The following NDUFB3 variants were observed in gnomAD, a reference collection of about 807,000 sequenced individuals.
NDUFB3 encodes NADH dehydrogenase [ubiquinone] 1 beta subcomplex subunit 3.
A neutral mutation model predicts 9.0 loss-of-function variants in NDUFB3; 7 were observed. The ratio of observed to expected loss-of-function variants is 0.78; its 90% CI spans 0.44 to 1.46. NDUFB3 has a LOEUF of 1.46. NDUFB3 is among the 40% of genes most tolerant of loss of function. NDUFB3 has a pLI of 0.01. For synonymous variants in NDUFB3, 29 were observed against 38.5 expected (o/e 0.75, Z 0.91); for missense variants, 93 against 115.4 (o/e 0.81, Z 0.89).
chr2:201,081,206 A>G (rs953282471), intron 2 of NDUFB3, among the ~76,000 whole-genome samples: 2 of 151,754 alleles, frequency 1.3e-5, no homozygotes, highest in Non-Finnish European at 2.9e-5. Context: ...TTTAGGGGCC[A>G]GGCATGGTGG....
chr2:201,078,784 A>C, intron 1 of NDUFB3, 97 bp from the exon 2 acceptor site: 1 of 1,167,258 alleles, frequency 8.6e-7, no homozygotes, highest in Non-Finnish European at 1.2e-6. Flanking sequence ...TTTTTTTTTA[A>C]TATTAAATGC....
At chr2:201,078,157 C>T (rs2047185132) in intron 1 of NDUFB3, among the ~76,000 whole-genome samples, 1 of 152,032 alleles carries the variant, frequency 6.6e-6, no homozygotes, top group Non-Finnish European at 1.5e-5. Context: ...AAAAAATTAG[C>T]CGGGCGTGGT....
At chr2:201,083,515 C>T (rs905262732) in intron 2 of NDUFB3, among the ~76,000 whole-genome samples, 8 of 151,900 alleles carry the variant, frequency 5.3e-5, no homozygotes, top group African/African-American at 9.7e-5. Context: ...CCACCACACC[C>T]GGCTAATTTT....
intron 1 of NDUFB3, among the ~76,000 whole-genome samples, chr2:201,076,279 G>T (rs1032593335): frequency 1.3e-5 from 2 of 151,872 alleles, no homozygotes; most frequent in Non-Finnish European, 2.9e-5. Flanking sequence ...TATGCCAGAG[G>T]ATCAAGGATC....
At chr2:201,082,176 A>AC (rs2047233303) in intron 2 of NDUFB3, among the ~76,000 whole-genome samples, 1 of 151,068 alleles carries the variant, frequency 6.6e-6, no homozygotes, top group Non-Finnish European at 1.5e-5. Context: ...CTGGTCTTGA[A>AC]CTCATGACCT....
chr2:201,075,285 G>C (rs2047151365), intron 1 of NDUFB3, among the ~76,000 whole-genome samples: 1 of 151,802 alleles, frequency 6.6e-6, no homozygotes, highest in African/African-American at 2.4e-5. Context: ...GTTATATTTA[G>C]CCGGGCACCG....
intron 2 of NDUFB3, among the ~76,000 whole-genome samples, 196 bp downstream of exon 2, chr2:201,079,218 C>T (rs2047198188): frequency 2.0e-5 from 3 of 151,004 alleles, no homozygotes; most frequent in African/African-American, 2.4e-5. Flanking sequence ...GATCTCAGCT[C>T]ACTGCAGCCT....
intron 2 of NDUFB3, among the ~76,000 whole-genome samples, chr2:201,083,249 C>G (rs992775032): frequency 2.0e-5 from 3 of 151,936 alleles, no homozygotes; most frequent in Non-Finnish European, 4.4e-5. Context: ...TGGGTCACCA[C>G]TTAGTATGAT....
chr2:201,084,484 A>C (rs2047266405), intron 2 of NDUFB3, among the ~76,000 whole-genome samples: 1 of 151,708 alleles, frequency 6.6e-6, no homozygotes, highest in African/African-American at 2.4e-5. Context: ...ACAAACAAAC[A>C]AAAATTAGCG....
intron 2 of NDUFB3, among the ~76,000 whole-genome samples, chr2:201,084,798 T>C (rs2047270958): frequency 6.6e-6 from 1 of 152,198 alleles, no homozygotes; most frequent in African/African-American, 2.4e-5. Context: ...TTTTTGTTTT[T>C]CATAACATGA....
At chr2:201,081,677 C>G (rs951812244) in intron 2 of NDUFB3, among the ~76,000 whole-genome samples, 1 of 151,482 alleles carries the variant, frequency 6.6e-6, no homozygotes, top group Admixed American at 6.6e-5. Context: ...GAGACAGAGT[C>G]TCACTGTGTC....
chr2:201,076,484 AATATATAT>A (rs561737388), intron 1 of NDUFB3, among the ~76,000 whole-genome samples: 12 of 120,090 alleles, frequency 1.0e-4, no homozygotes, highest in South Asian at 5.2e-4. Flanking sequence ...TCTATCTTTA[AATATATAT>A]ATATATATAT....
At chr2:201,078,851 T>C (rs1242976723) in intron 1 of NDUFB3, 30 bp from the exon 2 acceptor site, 1 of 1,587,546 alleles carries the variant, frequency 6.3e-7, no homozygotes, top group East Asian at 2.3e-5. Context: ...ATTTGCATAT[T>C]TCTCACTTGT....
At chr2:201,083,561 G>A (rs992684970) in intron 2 of NDUFB3, among the ~76,000 whole-genome samples, 1 of 151,510 alleles carries the variant, frequency 6.6e-6, no homozygotes, top group Non-Finnish European at 1.5e-5. Context: ...TGGCCAGGCT[G>A]GTCTCAAGCT....
intron 2 of NDUFB3, among the ~76,000 whole-genome samples, chr2:201,082,288 AGATGGAGTCTCCGTCGCCCAG>A (rs1278546962): frequency 6.6e-6 from 1 of 150,816 alleles, no homozygotes; most frequent in East Asian, 1.9e-4. Context: ...TTGTTTTGGG[AGATGGAGTCTCCGTCGCCCAG>A]GATGGAGTGC....
chr2:201,075,817 C>G (rs1362014127), intron 1 of NDUFB3, among the ~76,000 whole-genome samples: 1 of 152,050 alleles, frequency 6.6e-6, no homozygotes, highest in African/African-American at 2.4e-5. Context: ...TTTTCAAAAA[C>G]TATTCTATCA....
intron 1 of NDUFB3, among the ~76,000 whole-genome samples, chr2:201,076,109 A>G (rs1192269820): frequency 6.6e-6 from 1 of 152,170 alleles, no homozygotes; most frequent in African/African-American, 2.4e-5. Context: ...ATTTTATTGA[A>G]TCTACCAAGT....
intron 2 of NDUFB3, among the ~76,000 whole-genome samples, chr2:201,084,846 G>A (rs1353911630): frequency 6.6e-6 from 1 of 152,036 alleles, no homozygotes; most frequent in Non-Finnish European, 1.5e-5. Context: ...CCAGAGCAGG[G>A]TATCAATCTT....
intron 2 of NDUFB3, among the ~76,000 whole-genome samples, chr2:201,080,197 G>T (rs1448554087): frequency 6.6e-6 from 1 of 152,030 alleles, no homozygotes; most frequent in Non-Finnish European, 1.5e-5. Flanking sequence ...GCATCCAGTT[G>T]CTCCAGCACC....
Sources: allele counts gnomAD v4.1 joint callset (sites outside exome capture counted in the v4.1 genomes callset), GRCh38; gene constraint gnomAD v4.1.1; transcripts MANE v1.5; gene names NCBI Gene and HGNC (gene_info 2026-07-23, HGNC 2026-07-21).